The following SPDYC variants were observed in gnomAD, a reference collection of about 807,000 sequenced individuals.
The protein encoded by SPDYC is speedy/RINGO cell cycle regulator family member C, also known as speedy protein C.
SPDYC carries 25 observed loss-of-function variants against 33.9 expected under a neutral mutation model. The observed-to-expected ratio is 0.74, with a 90% CI of 0.54 to 1.03. The LOEUF (loss-of-function observed/expected upper bound fraction) is 1.03. Among genes scored for constraint, SPDYC ranks in the 50% least tolerant of loss-of-function variants. SPDYC has a pLI of 0.00. For missense variants in SPDYC, 349 were observed against 382.9 expected (o/e 0.91, Z 0.74); for synonymous variants, 133 against 140.2 (o/e 0.95, Z 0.36).
chr11:65,172,072 G>A (rs549766665), intron 3 of SPDYC, 71 bp downstream of exon 3: 5 of 1,554,860 alleles, frequency 3.2e-6, no homozygotes, highest in South Asian at 1.1e-5. Context: ...CCCTGGTCTG[G>A]TAGGGAGAGC....
At chr11:65,172,708 T>C (rs902497407) in exon 6 of SPDYC, 1 of 1,609,124 alleles carries the variant, frequency 6.2e-7, no homozygotes, top group Non-Finnish European at 8.5e-7. Context: ...GCCATTCCAC[T>C]GGGCTTGGAC....
chr11:65,171,711 G>A (rs1406907238), intron 2 of SPDYC, among the ~76,000 whole-genome samples: 1 of 152,098 alleles, frequency 6.6e-6, no homozygotes, highest in African/African-American at 2.4e-5. Context: ...CAACATTTTG[G>A]GAGGCTGAAA....
At chr11:65,172,766 A>C in exon 6 of SPDYC, 1 of 1,613,950 alleles carries the variant, frequency 6.2e-7, no homozygotes, top group Non-Finnish European at 8.5e-7. Flanking sequence ...GTCTGTCCAC[A>C]GGTCCCTGTT....
rs1948438582 is a variant in SPDYC at position 65,171,866 on chromosome 11, C to T, written c.200-77C>T. ...AGAGAGGGTTCAGTGGTGGCTTGGG[C>T]TTTGGAGCTTCTGATGCCACTCTTC... On this transcript the variant is annotated intron_variant, in intron 2 of 6. Transcript: ENST00000377185. 3.0e-6 allele frequency: 4 copies of T among 1,349,318 alleles called. No individual in the cohort carries two copies. The South Asian group carries it at 4.7e-5, about 16-fold the overall frequency. The allele number at this position is 1,349,318 out of a possible 1,614,324, so 83.6% of individuals were successfully genotyped here.
chr11:65,171,832 GAGAA>G (rs1028741382), intron 2 of SPDYC, 107 bp from the exon 3 acceptor site: 12 of 921,780 alleles, frequency 1.3e-5, no homozygotes, highest in African/African-American at 3.3e-5. Flanking sequence ...GGGAGAAAAA[GAGAA>G]AGAGAGAGAG....
chr11:65,173,266 C>G, downstream of SPDYC: 1 of 1,601,522 alleles, frequency 6.2e-7, no homozygotes, highest in Non-Finnish European at 8.5e-7. Flanking sequence ...CTGACTGACA[C>G]ACCATTGGCT....
At chr11:65,170,321 G>C in intron 1 of SPDYC, 60 bp downstream of exon 1, 1 of 1,526,882 alleles carries the variant, frequency 6.5e-7, no homozygotes, top group South Asian at 1.2e-5. Flanking sequence ...GAGGGGCCCA[G>C]ATTGGCCCTG....
At chr11:65,171,875 T>C (rs572976696) in intron 2 of SPDYC, 68 bp from the exon 3 acceptor site, 12 of 1,450,600 alleles carry the variant, frequency 8.3e-6, no homozygotes, top group Non-Finnish European at 1.1e-5. Flanking sequence ...GCTTTGGAGC[T>C]TCTGATGCCA....
At position 65,172,947 on chromosome 11, in the gene SPDYC, G is replaced by C. The variant is rs1948456089; in HGVS notation, c.780G>C (p.Trp260Cys). 1 of 1,614,012 alleles carries C rather than the reference G, an allele frequency of 6.2e-7. No homozygotes were observed. Among genetic ancestry groups the C allele is most frequent in the African/African-American group, 1.3e-5 (1 of 74,904 alleles). The stretch of plus-strand genomic sequence containing the variant: ...ATCTCTCAAGGGTCAAAAACGCCTG[G>C]GGTGGGGACTTTCTCATCGTCTTGC... Residue 260 changes from tryptophan to cysteine, a missense_variant, in exon 6 of 7, where the codon TGG becomes TGC. Transcript: ENST00000377185.
chr11:65,171,912 C>T (rs747927877), intron 2 of SPDYC, 31 bp from the exon 3 acceptor site: 2 of 1,609,434 alleles, frequency 1.2e-6, no homozygotes, highest in African/African-American at 1.3e-5. Context: ...TGGTGGTAAC[C>T]TGCGTCCTGT....
At position 65,172,786 on chromosome 11, in the gene SPDYC, C is replaced by A. The variant is rs149911369; in HGVS notation, c.619C>A (p.Arg207=). ...TCCACAGGTCCCTGTTCGCCTTCCC[C>A]GGGGCCCTGGCCTCTCGCCGCCCCA... is the stretch of plus-strand genomic sequence containing the variant. Residue 207 remains arginine (R), a synonymous_variant, in exon 6 of 7, where the codon CGG becomes AGG. Coordinates refer to ENST00000377185, the Ensembl canonical transcript of SPDYC. The A allele has an allele frequency of 2.5e-6, 4 of 1,613,864 alleles. No homozygotes were observed. The South Asian group carries it at 3.3e-5, about 13-fold the overall frequency.
In SPDYC at chr11:65,172,667, CA is replaced by C; in HGVS notation, c.517-16del. 1 of 1,582,832 alleles carries C rather than the reference CA, an allele frequency of 6.3e-7. No homozygotes were observed. Among genetic ancestry groups the C allele is most frequent in the Non-Finnish European group, 8.6e-7 (1 of 1,162,244 alleles). On this transcript the variant is annotated splice_polypyrimidine_tract_variant and intron_variant, in intron 5 of 6. Coordinates refer to ENST00000377185, the Ensembl canonical transcript of SPDYC. ...TGGGGTTCCCACCCCATTTACTGTC[CA>C]CTCTGCTCCTCCCAGGTCATGGCAA...
At chr11:65,171,970 C>A (rs141260031) in exon 3 of SPDYC, 1 of 1,614,018 alleles carries the variant, frequency 6.2e-7, no homozygotes, top group Non-Finnish European at 8.5e-7. Flanking sequence ...GAATTCCTCT[C>A]CAAAGACCCC....
At chr11:65,171,800 AAG>A in intron 2 of SPDYC, 141 bp from the exon 3 acceptor site, 13 of 758,098 alleles carry the variant, frequency 1.7e-5, no homozygotes, top group East Asian at 2.7e-5. Flanking sequence ...TATATTAAGA[AAG>A]AGAGAGAGAA....
In SPDYC at chr11:65,170,270, C is replaced by G. The variant is rs200979681; in HGVS notation, c.26+9C>G. ...GCCATTCCTGAGCTCGGGTAAGGCTCGCTGCAGGAGGAGGCTGGGTTGCTT... is the reference window on the plus strand; with the variant it reads ...GCCATTCCTGAGCTCGGGTAAGGCTGGCTGCAGGAGGAGGCTGGGTTGCTT... On this transcript the variant is annotated intron_variant, in intron 1 of 6. Coordinates refer to ENST00000377185, the Ensembl canonical transcript of SPDYC. The G allele has an allele frequency of 3.8e-6, 6 of 1,578,382 alleles. No homozygotes were observed. In the South Asian group the frequency reaches 6.9e-5, roughly 18 times the overall value.
At chr11:65,171,080 T>C (rs1177044677) in intron 1 of SPDYC, among the ~76,000 whole-genome samples, 3 of 151,982 alleles carry the variant, frequency 2.0e-5, no homozygotes, top group Non-Finnish European at 2.9e-5. Context: ...CAGCGGTGCT[T>C]GTTGCTGCTG....
At chr11:65,171,455 G>A (rs747066847) in exon 2 of SPDYC, 17 of 1,596,096 alleles carry the variant, frequency 1.1e-5, no homozygotes, top group African/African-American at 9.5e-5. Flanking sequence ...GGGTTCCTCC[G>A]TTTTCGCCAG....
rs772698033 is a variant in SPDYC at position 65,172,247 on chromosome 11, A to G, written c.260A>G (p.Tyr87Cys). The change falls in exon 4 of 7, where the codon TAT becomes TGT. Residue 87 changes from tyrosine (Y) to cysteine (C), a missense_variant and splice_region_variant. By Grantham distance (194) the Tyr-to-Cys change is radical. Coordinates refer to ENST00000377185, the Ensembl canonical transcript of SPDYC. Reference sequence around the variant, plus strand: ...CCCCACCCCGATCTGTCTCTGCAGTATCTCCTGGCCATGGTGCTGGTCTAC... The same window carrying G: ...CCCCACCCCGATCTGTCTCTGCAGTGTCTCCTGGCCATGGTGCTGGTCTAC... The G allele has an allele frequency of 2.5e-6, 4 of 1,613,908 alleles. No homozygotes were observed. The South Asian group carries it at 3.3e-5, about 13-fold the overall frequency.
At chr11:65,171,287 C>A in intron 1 of SPDYC, 40 bp from the exon 2 acceptor site, 1 of 1,574,442 alleles carries the variant, frequency 6.4e-7, no homozygotes, top group Non-Finnish European at 8.6e-7. Context: ...GTGAGCATCA[C>A]GGGGGTACAT....
Sources: gnomAD v4.1 joint callset for allele counts (sites outside exome capture counted in the v4.1 genomes callset) on GRCh38, gnomAD v4.1.1 for gene constraint, MANE v1.5 for transcripts, NCBI Gene and HGNC (gene_info 2026-07-23, HGNC 2026-07-21) for gene names.